Variants in ADAMTS3 observed in about 807,000 individuals in gnomAD.
The protein encoded by ADAMTS3 is A disintegrin and metalloproteinase with thrombospondin motifs 3.
A neutral mutation model predicts 129.0 loss-of-function variants in ADAMTS3; 73 were observed. The ratio of observed to expected loss-of-function variants is 0.57; its 90% CI spans 0.47 to 0.69. ADAMTS3 has a LOEUF of 0.69. ADAMTS3 is among the 30% of genes least tolerant of loss of function. The pLI, the probability that ADAMTS3 is intolerant of heterozygous loss-of-function variation, is 0.00. For missense variants in ADAMTS3, 1,457 were observed against 1,514.5 expected, an observed-to-expected ratio of 0.96 and a Z score of 0.63; for synonymous variants, 477 against 510.8, an observed-to-expected ratio of 0.93 and a Z score of 0.89.
rs1372677856 is a variant in ADAMTS3 at position 72,320,833 on chromosome 4, C to T, written c.983G>A (p.Ser328Asn). The T allele has an allele frequency of 2.5e-6, 4 of 1,613,980 alleles. No homozygotes were observed. Among genetic ancestry groups the T allele is most frequent in the Non-Finnish European group, 3.4e-6 (4 of 1,179,926 alleles). ...CGCCCAGCGACACACATTCTCCAAG[C>T]TTCTGGATGGGTTTCCCCTTTCTAT... Reference protein sequence around the residue: ...SLIERGNPSRSLENVCRWASQ... With the variant: ...SLIERGNPSRNLENVCRWASQ... Residue 328 changes from serine to asparagine, a missense_variant, in exon 7 of 22, where the codon AGC becomes AAC. By Grantham distance (46) the Ser-to-Asn change is conservative (BLOSUM62 1). Coordinates refer to ENST00000286657, the MANE Select transcript of ADAMTS3 (RefSeq NM_014243.3).
chr4:72,397,668 T>C (rs1000883676), intron 4 of ADAMTS3, among the ~76,000 whole-genome samples: 6 of 152,090 alleles, frequency 3.9e-5, no homozygotes, highest in Non-Finnish European at 8.8e-5. Context: ...GGAGAGAAAC[T>C]GTGAGCTGAC....
At chr4:72,410,389 C>A (rs534968288) in intron 4 of ADAMTS3, among the ~76,000 whole-genome samples, 72 of 152,166 alleles carry the variant, frequency 4.7e-4, no homozygotes, top group African/African-American at 1.5e-3. Context: ...CGGGTTCATG[C>A]AGGAAAATGA....
chr4:72,415,182 T>A (rs566201199), intron 3 of ADAMTS3, among the ~76,000 whole-genome samples: 72 of 152,118 alleles, frequency 4.7e-4, no homozygotes, highest in Non-Finnish European at 6.9e-4. Flanking sequence ...GAAAAATTCA[T>A]ATTAAGGTAT....
chr4:72,551,390 A>T (rs1721642794), intron 2 of ADAMTS3, among the ~76,000 whole-genome samples: 1 of 152,156 alleles, frequency 6.6e-6, no homozygotes, highest in Non-Finnish European at 1.5e-5. Context: ...TTATGTTCTA[A>T]ATTTTTATTC....
At position 72,311,048 on chromosome 4, in the gene ADAMTS3, C is replaced by T. The variant is rs1420718873; in HGVS notation, c.2055G>A (p.Val685=). ...CTTTGGGGAAGCAATTTGAACTTACCACACACTCTCCTCGCACACATATGC... is the reference window on the plus strand; with the variant it reads ...CTTTGGGGAAGCAATTTGAACTTACTACACACTCTCCTCGCACACATATGC... ...PYSICVRGEC[V]KVGCDKEIGS... The change falls in exon 14 of 22, where the codon GTG becomes GTA. Residue 685 remains valine, a splice_region_variant and synonymous_variant. Transcript: ENST00000286657. 1.3e-6 allele frequency: 2 copies of T among 1,592,282 alleles called. No individual in the cohort carries two copies. The highest frequency in any genetic ancestry group is 1.7e-6 in the Non-Finnish European group (2 of 1,166,902).
intron 3 of ADAMTS3, among the ~76,000 whole-genome samples, chr4:72,528,217 A>G (rs540367070): frequency 1.3e-4 from 20 of 152,076 alleles, no homozygotes; most frequent in Admixed American, 1.2e-3. Flanking sequence ...CTCTCTTTAA[A>G]AAAAAAAAGT....
At chr4:72,302,999 C>T (rs998208304) in intron 17 of ADAMTS3, among the ~76,000 whole-genome samples, 4 of 152,116 alleles carry the variant, frequency 2.6e-5, no homozygotes, top group African/African-American at 7.2e-5. Context: ...TAACGCTGCC[C>T]AAATGAGGGA....
chr4:72,373,665 A>G (rs1188022242), intron 4 of ADAMTS3, among the ~76,000 whole-genome samples: 4 of 152,066 alleles, frequency 2.6e-5, no homozygotes, highest in Non-Finnish European at 4.4e-5. Context: ...TTGGGAGGCC[A>G]AGGTGGGTGG....
intron 3 of ADAMTS3, among the ~76,000 whole-genome samples, chr4:72,445,884 T>C (rs1197247802): frequency 1.3e-5 from 2 of 151,744 alleles, no homozygotes; most frequent in Non-Finnish European, 1.5e-5. Flanking sequence ...CTAAAAACAA[T>C]ACTAAAGGCA....
At chr4:72,441,975 C>A (rs999235521) in intron 3 of ADAMTS3, 2 of 151,802 alleles carry the variant, frequency 1.3e-5, no homozygotes, top group Non-Finnish European at 2.9e-5. Flanking sequence ...CTCCAGCCAT[C>A]ATGTTTTCTC....
Position 72,320,742 on chromosome 4 carries a change from C to A in ADAMTS3, c.1074G>T (p.Arg358Ser). 6.2e-7 allele frequency: 1 copy of A among 1,613,772 alleles called. No individual in the cohort carries two copies. Among genetic ancestry groups the A allele is most frequent in the Non-Finnish European group, 8.5e-7 (1 of 1,179,832 alleles). The part of the protein sequence containing the change: ...EHHDHAIFLT[R>S]QDFGPAGMQG... ...GCATTCCAGCAGGTCCAAAGTCTTGCCTGGTTAAAAAAATTGCATGGTCAT... is the reference window on the plus strand; with the variant it reads ...GCATTCCAGCAGGTCCAAAGTCTTGACTGGTTAAAAAAATTGCATGGTCAT... Residue 358 changes from arginine to serine, a missense_variant, in exon 7 of 22, where the codon AGG becomes AGT. Coordinates refer to ENST00000286657, the MANE Select transcript of ADAMTS3 (RefSeq NM_014243.3).
chr4:72,334,483 C>T (rs1246673377), intron 5 of ADAMTS3, among the ~76,000 whole-genome samples: 1 of 152,144 alleles, frequency 6.6e-6, no homozygotes, highest in Admixed American at 6.5e-5. Flanking sequence ...TAGAGGACTG[C>T]TCCTGTTGAG....
chr4:72,379,671 C>CA (rs1406968788), intron 4 of ADAMTS3, among the ~76,000 whole-genome samples: 1 of 152,064 alleles, frequency 6.6e-6, no homozygotes, highest in East Asian at 1.9e-4. Flanking sequence ...TCTGGGACAT[C>CA]TGTAGTATCA....
chr4:72,480,382 C>T (rs1448368179), intron 3 of ADAMTS3, among the ~76,000 whole-genome samples: 2 of 152,126 alleles, frequency 1.3e-5, no homozygotes, highest in Admixed American at 1.3e-4. Flanking sequence ...AGGATGAGTT[C>T]ATGTCCTTTG....
At chr4:72,343,240 G>A (rs896876566) in intron 4 of ADAMTS3, among the ~76,000 whole-genome samples, 4 of 152,212 alleles carry the variant, frequency 2.6e-5, no homozygotes, top group Admixed American at 6.5e-5. Context: ...CATGTGGCTG[G>A]CAAAGAGAAG....
intron 4 of ADAMTS3, among the ~76,000 whole-genome samples, chr4:72,411,496 C>A (rs1722184075): frequency 6.6e-6 from 1 of 151,962 alleles, no homozygotes; most frequent in Admixed American, 6.6e-5. Flanking sequence ...CAGTGATACA[C>A]CTGAGAATGA....
chr4:72,364,004 ATGGCTACCC>A (rs1720798489), intron 4 of ADAMTS3, among the ~76,000 whole-genome samples: 3 of 152,294 alleles, frequency 2.0e-5, no homozygotes, highest in African/African-American at 7.2e-5. Context: ...CATGAAAATG[ATGGCTACCC>A]TTTAATATTT....
At chr4:72,490,407 T>C (rs1318592056) in intron 3 of ADAMTS3, among the ~76,000 whole-genome samples, 1 of 151,922 alleles carries the variant, frequency 6.6e-6, no homozygotes, top group African/African-American at 2.4e-5. Context: ...TGTGATCATA[T>C]CAAAAAAATT....
intron 4 of ADAMTS3, among the ~76,000 whole-genome samples, chr4:72,397,556 C>G (rs984714984): frequency 2.0e-5 from 2 of 97,810 alleles, no homozygotes; most frequent in Non-Finnish European, 4.2e-5. Flanking sequence ...CAGGGTGAGA[C>G]TCTATTACAC....
Sources: gnomAD v4.1 joint callset for allele counts (sites outside exome capture counted in the v4.1 genomes callset) on GRCh38, gnomAD v4.1.1 for gene constraint, MANE v1.5 for transcripts, NCBI Gene and HGNC (gene_info 2026-07-23, HGNC 2026-07-21) for gene names.